ARMH3: variants seen among roughly 807,000 people sequenced by gnomAD.
The protein encoded by ARMH3 is armadillo-like helical domain-containing protein 3.
In ARMH3, 60 loss-of-function variants were observed where a neutral mutation model predicts 99.1. That is an observed-to-expected ratio of 0.61 (90% CI 0.49 to 0.75). ARMH3 has a LOEUF of 0.75. Ranked by LOEUF, ARMH3 falls within the 30% of genes least tolerant of loss-of-function variation. The pLI is 0.00. For synonymous variants in ARMH3, 285 were observed against 292.8 expected, an observed-to-expected ratio of 0.97 and a Z score of 0.27; for missense variants, 679 against 843.1, an observed-to-expected ratio of 0.81 and a Z score of 2.41.
chr10:101,977,706 T>C (rs1461290618), intron 19 of ARMH3, among the ~76,000 whole-genome samples: 1 of 152,220 alleles, frequency 6.6e-6, no homozygotes, highest in Non-Finnish European at 1.5e-5. Context: ...CATGGGTTAA[T>C]GGATTAATGG....
intron 20 of ARMH3, among the ~76,000 whole-genome samples, chr10:101,964,168 G>A (rs1348999795): frequency 1.3e-5 from 2 of 152,036 alleles, no homozygotes; most frequent in Non-Finnish European, 2.9e-5. Flanking sequence ...AAGCCACTGC[G>A]CCCGGCAATT....
chr10:102,010,087 G>T, intron 11 of ARMH3, 64 bp from the exon 12 acceptor site: 4 of 1,500,988 alleles, frequency 2.7e-6, no homozygotes, highest in Non-Finnish European at 3.7e-6. Context: ...TTTATGCCTA[G>T]GAAGCCTTTT....
chr10:101,967,823 C>T (rs1845603615), intron 20 of ARMH3, among the ~76,000 whole-genome samples: 2 of 152,146 alleles, frequency 1.3e-5, no homozygotes, highest in African/African-American at 4.8e-5. Flanking sequence ...ACTTCACTGA[C>T]ACAGAGGCCA....
At chr10:101,925,594 C>A (rs1412185403) in intron 23 of ARMH3, among the ~76,000 whole-genome samples, 1 of 152,290 alleles carries the variant, frequency 6.6e-6, no homozygotes, top group South Asian at 2.1e-4. Context: ...AAGACTGCAA[C>A]ATATGAGATA....
intron 19 of ARMH3, among the ~76,000 whole-genome samples, chr10:101,978,344 C>G (rs1051907849): frequency 1.3e-5 from 2 of 152,160 alleles, no homozygotes; most frequent in Non-Finnish European, 2.9e-5. Flanking sequence ...GCTCTCACAT[C>G]ACAGAGGGAA....
chr10:101,973,823 T>C (rs1845877812), intron 20 of ARMH3, among the ~76,000 whole-genome samples: 1 of 152,228 alleles, frequency 6.6e-6, no homozygotes, highest in South Asian at 2.1e-4. Context: ...TGTAATTTCA[T>C]TCAAGTTATA....
At position 102,009,364 on chromosome 10, in the gene ARMH3, T is replaced by G. The variant is rs777494144; in HGVS notation, c.954+10A>C. Reference sequence around the variant, plus strand: ...GAGAAAAAAACACTGGGATTTTTAATGTGACCAACCTGAGCTAATACTGTG... The same window carrying G: ...GAGAAAAAAACACTGGGATTTTTAAGGTGACCAACCTGAGCTAATACTGTG... On this transcript the variant is annotated intron_variant, in intron 13 of 25. Coordinates refer to ENST00000370033, the MANE Select transcript of ARMH3 (RefSeq NM_024541.3). 6.2e-7 allele frequency: 1 copy of G among 1,608,758 alleles called. No individual in the cohort carries two copies. The highest frequency in any genetic ancestry group is 2.2e-5 in the East Asian group (1 of 44,868).
chr10:101,877,656 TA>T (rs11377218), intron 24 of ARMH3, among the ~76,000 whole-genome samples: 186 of 148,036 alleles, frequency 1.3e-3, no homozygotes, highest in Non-Finnish European at 1.7e-3. Context: ...ACTTTGTCTT[TA>T]AAAAAAAAAA....
chr10:101,997,676 G>C (rs1426616749), intron 15 of ARMH3, among the ~76,000 whole-genome samples: 1 of 151,816 alleles, frequency 6.6e-6, no homozygotes, highest in Non-Finnish European at 1.5e-5. Context: ...CATTAATGTT[G>C]TTTTATTTAA....
intron 24 of ARMH3, among the ~76,000 whole-genome samples, chr10:101,880,606 C>G (rs893021295): frequency 2.0e-5 from 3 of 152,174 alleles, no homozygotes; most frequent in African/African-American, 7.2e-5. Flanking sequence ...AGCATTCACA[C>G]CGAACACTAC....
At chr10:101,878,051 A>G (rs1343139688) in intron 24 of ARMH3, among the ~76,000 whole-genome samples, 2 of 152,150 alleles carry the variant, frequency 1.3e-5, no homozygotes, top group Non-Finnish European at 2.9e-5. Flanking sequence ...TGAGGTCAGG[A>G]GTTCGAGACT....
At chr10:102,001,708 G>C (rs891306297) in intron 15 of ARMH3, among the ~76,000 whole-genome samples, 1 of 152,170 alleles carries the variant, frequency 6.6e-6, no homozygotes, top group Non-Finnish European at 1.5e-5. Context: ...GATCTGCTAA[G>C]AAGATTTGCT....
At chr10:101,972,175 A>G (rs771657996) in intron 20 of ARMH3, among the ~76,000 whole-genome samples, 14 of 152,190 alleles carry the variant, frequency 9.2e-5, no homozygotes, top group Non-Finnish European at 1.8e-4. Flanking sequence ...TGTCCATAAG[A>G]TCACACCTGT....
At position 101,943,518 on chromosome 10, in the gene ARMH3, C is replaced by T. The variant is rs151005286; in HGVS notation, c.1706-3580G>A. Among the ~76,000 whole-genome samples the T allele has an allele frequency of 2.0e-5, 3 of 152,232 alleles. No individual in the cohort carries two copies. The East Asian group carries it at 5.8e-4, about 29-fold the overall frequency. On this transcript the variant is annotated intron_variant, in intron 22 of 25. Transcript: ENST00000370033. Reference sequence around the variant, plus strand: ...CCCTGAAAAGATCCAACTGATTCCACATAACATAATCAAATTCCAGAATAA... The same window carrying T: ...CCCTGAAAAGATCCAACTGATTCCATATAACATAATCAAATTCCAGAATAA...
chr10:101,908,375 C>T (rs1472892983), intron 23 of ARMH3, among the ~76,000 whole-genome samples: 8 of 152,110 alleles, frequency 5.3e-5, no homozygotes, highest in African/African-American at 1.9e-4. Context: ...TATGTGATAA[C>T]GTGAGTTACA....
At chr10:102,018,916 C>T (rs547136848) in intron 8 of ARMH3, among the ~76,000 whole-genome samples, 22 of 152,078 alleles carry the variant, frequency 1.4e-4, no homozygotes, top group African/African-American at 5.3e-4. Flanking sequence ...AAGATCATGC[C>T]ATTGCACTCC....
intron 12 of ARMH3, 134 bp from the exon 13 acceptor site, chr10:102,009,583 AC>A: frequency 1.2e-6 from 1 of 825,868 alleles, no homozygotes; most frequent in South Asian, 1.6e-5. Context: ...GTTCCCCTTT[AC>A]TTGCCATTTG....
chr10:101,960,496 TAAGAA>T (rs1258551345), intron 20 of ARMH3, among the ~76,000 whole-genome samples: 1 of 152,120 alleles, frequency 6.6e-6, no homozygotes, highest in Non-Finnish European at 1.5e-5. Flanking sequence ...CATTTTTGGA[TAAGAA>T]AACTCCATGC....
At chr10:101,958,965 A>G (rs942917953) in intron 20 of ARMH3, among the ~76,000 whole-genome samples, 2 of 152,192 alleles carry the variant, frequency 1.3e-5, no homozygotes, top group African/African-American at 2.4e-5. Flanking sequence ...TTCTGTTTCT[A>G]AAGCCTGAAT....
Sources: gnomAD v4.1 joint callset for allele counts (sites outside exome capture counted in the v4.1 genomes callset) on GRCh38, gnomAD v4.1.1 for gene constraint, MANE v1.5 for transcripts, NCBI Gene and HGNC (gene_info 2026-07-23, HGNC 2026-07-21) for gene names.